The following NBAS variants were observed in gnomAD, a reference collection of about 807,000 sequenced individuals.
NBAS encodes NAG/BC035112 fusion.
A neutral mutation model predicts 302.5 loss-of-function variants in NBAS; 219 were observed. The observed-to-expected ratio is 0.72, with a 90% confidence interval of 0.65 to 0.81. The LOEUF (loss-of-function observed/expected upper bound fraction) is 0.81. Among genes scored for constraint, NBAS ranks in the 30% least tolerant of loss-of-function variants. NBAS has a pLI of 0.00. For synonymous variants in NBAS, 1,118 were observed against 1,021.6 expected (o/e 1.09, Z -1.80); for missense variants, 2,932 against 2,841.6 (o/e 1.03, Z -0.72).
downstream of NBAS, among the ~76,000 whole-genome samples, chr2:15,162,393 G>A (rs1248375253): frequency 6.6e-6 from 1 of 152,162 alleles, no homozygotes; most frequent in Non-Finnish European, 1.5e-5. Context: ...ATTGCTGAAG[G>A]CTGGTTTTGG....
chr2:14,984,489 G>A, the NBAS span, among the ~76,000 whole-genome samples: 2 of 152,236 alleles, frequency 1.3e-5, no homozygotes. Context: ...GCGTGTGTGA[G>A]CACTGACTTA....
intron 9 of NBAS, among the ~76,000 whole-genome samples, chr2:15,533,595 T>C (rs376711231): frequency 2.6e-4 from 40 of 152,064 alleles, no homozygotes; most frequent in African/African-American, 8.2e-4. Flanking sequence ...GAAAATCATA[T>C]ACACAAAACT....
intron 21 of NBAS, among the ~76,000 whole-genome samples, 168 bp from the exon 22 acceptor site, chr2:15,427,962 G>A (rs1443953011): frequency 3.3e-5 from 5 of 152,016 alleles, no homozygotes; most frequent in Admixed American, 2.6e-4. Context: ...ATATAAATGG[G>A]AAATACCATA....
chr2:15,276,194 T>G (rs566943191), intron 43 of NBAS, among the ~76,000 whole-genome samples: 1 of 152,212 alleles, frequency 6.6e-6, no homozygotes, highest in Non-Finnish European at 1.5e-5. Flanking sequence ...CACTAGTTAC[T>G]TGAAGGCAAG....
At chr2:14,923,453 C>T in the NBAS span, among the ~76,000 whole-genome samples, 1 of 152,108 alleles carries the variant, frequency 6.6e-6, no homozygotes, top group Admixed American at 6.5e-5. Context: ...ATCCTTCATC[C>T]ATCACATACT....
At chr2:15,444,589 C>T (rs1678620916) in intron 21 of NBAS, among the ~76,000 whole-genome samples, 1 of 152,108 alleles carries the variant, frequency 6.6e-6, no homozygotes, top group Admixed American at 6.5e-5. Flanking sequence ...AGGACATAGG[C>T]ATGGGCAAGG....
chr2:15,455,507 T>C (rs185456221), intron 21 of NBAS, among the ~76,000 whole-genome samples: 4 of 152,136 alleles, frequency 2.6e-5, no homozygotes, highest in African/African-American at 9.6e-5. Context: ...CAGTAAGAAG[T>C]TTAAAGCAAT....
chr2:15,278,375 T>C (rs924388980), intron 42 of NBAS, among the ~76,000 whole-genome samples: 2 of 152,196 alleles, frequency 1.3e-5, no homozygotes, highest in African/African-American at 4.8e-5. Context: ...TCTCACTGCC[T>C]CCTCTATTGG....
At position 15,275,871 on chromosome 2, in the gene NBAS, G is replaced by A. The variant is rs971313288; in HGVS notation, c.5390-53C>T. ...AGTGGTTCATTCCAATGTAAACATA[G>A]AGTCACTTTCAAACACACACACATA... On this transcript the variant is annotated intron_variant, in intron 43 of 51. Coordinates refer to ENST00000281513, the MANE Select transcript of NBAS (RefSeq NM_015909.4). 3.3e-6 allele frequency: 5 copies of A among 1,520,426 alleles called. No individual in the cohort carries two copies. In the African/African-American group the frequency reaches 5.5e-5, roughly 17 times the overall value. The allele number at this position is 1,520,426 out of a possible 1,614,324, so 94.2% of individuals were successfully genotyped here.
rs887483687 is a variant in NBAS at position 15,330,671 on chromosome 2, G to C, written c.4274C>G (p.Thr1425Ser). Reference protein sequence around the residue: ...MKVLSNTTTTTKAVLQAVSDG... With the variant: ...MKVLSNTTTTSKAVLQAVSDG... ...ACTGACGGCCTGCAGCACCGCTTTGGTGGTGGTTGTGGTGTTGGAAAGGAC... is the reference window on the plus strand; with the variant it reads ...ACTGACGGCCTGCAGCACCGCTTTGCTGGTGGTTGTGGTGTTGGAAAGGAC... The change falls in exon 36 of 52, where the codon ACC becomes AGC. Residue 1425 changes from threonine to serine, a missense_variant. Coordinates refer to ENST00000281513, the MANE Select transcript of NBAS (RefSeq NM_015909.4). The C allele has an allele frequency of 2.9e-5, 46 of 1,614,010 alleles. No homozygotes were observed. Among genetic ancestry groups the C allele is most frequent in the Non-Finnish European group, 3.8e-5 (45 of 1,179,984 alleles).
chr2:14,958,441 G>GCATCT, the NBAS span, among the ~76,000 whole-genome samples: 1 of 152,200 alleles, frequency 6.6e-6, no homozygotes, highest in Non-Finnish European at 1.5e-5. Flanking sequence ...TGCTCACAGA[G>GCATCT]GGTCTCTGAG....
chr2:14,927,339 G>A, the NBAS span, among the ~76,000 whole-genome samples: 3 of 152,140 alleles, frequency 2.0e-5, no homozygotes, highest in East Asian at 5.8e-4. Flanking sequence ...TGTTCTTTAT[G>A]ACCGGCTTGA....
At chr2:15,278,070 A>C (rs922539496) in intron 42 of NBAS, among the ~76,000 whole-genome samples, 1 of 152,180 alleles carries the variant, frequency 6.6e-6, no homozygotes, top group African/African-American at 2.4e-5. Context: ...GGCTTCAAAA[A>C]GTTCTAAAGC....
intron 12 of NBAS, among the ~76,000 whole-genome samples, chr2:15,484,993 A>C (rs1452206906): frequency 6.6e-6 from 1 of 152,166 alleles, no homozygotes. Context: ...GATTCCCAGG[A>C]TACAGGTGAA....
chr2:15,237,556 C>A (rs1667650151), intron 45 of NBAS, among the ~76,000 whole-genome samples: 1 of 148,258 alleles, frequency 6.7e-6, no homozygotes, highest in East Asian at 2.0e-4. Context: ...AAAAGAAAAT[C>A]AAAATATTTA....
At chr2:15,073,998 C>T in the NBAS span, among the ~76,000 whole-genome samples, 1 of 152,096 alleles carries the variant, frequency 6.6e-6, no homozygotes, top group South Asian at 2.1e-4. Flanking sequence ...GGATAAAACA[C>T]TAGGAAAATT....
chr2:15,013,048 G>C, the NBAS span, among the ~76,000 whole-genome samples: 306 of 152,246 alleles, frequency 2.0e-3, 1 homozygote, highest in African/African-American at 6.5e-3. Context: ...TTGCAGAGAT[G>C]GGGTTTCACC....
At chr2:15,466,097 C>T (rs1204858129) in intron 19 of NBAS, among the ~76,000 whole-genome samples, 5 of 152,078 alleles carry the variant, frequency 3.3e-5, no homozygotes, top group Non-Finnish European at 5.9e-5. Context: ...ATGATATAGT[C>T]ATTACCAATG....
the NBAS span, among the ~76,000 whole-genome samples, chr2:14,891,531 T>C: frequency 6.6e-6 from 1 of 152,150 alleles, no homozygotes; most frequent in African/African-American, 2.4e-5. Context: ...AGTGCATCCA[T>C]TTTTCCAGAC....
Sources: allele counts gnomAD v4.1 joint callset (sites outside exome capture counted in the v4.1 genomes callset), GRCh38; gene constraint gnomAD v4.1.1; transcripts MANE v1.5; gene names NCBI Gene and HGNC (gene_info 2026-07-23, HGNC 2026-07-21).